The following PDE1A variants were observed in gnomAD, a reference collection of about 807,000 sequenced individuals.
The protein encoded by PDE1A is phosphodiesterase 1A.
In PDE1A, 35 loss-of-function variants were observed where a neutral mutation model predicts 61.7. That is an observed-to-expected ratio of 0.57 (90% CI 0.43 to 0.75). The LOEUF (loss-of-function observed/expected upper bound fraction) is 0.75. PDE1A is among the 30% of genes least tolerant of loss of function. The probability of loss-of-function intolerance (pLI) is 0.00; values close to 1 mark genes in which losing one functional copy is unlikely to be tolerated. For synonymous variants in PDE1A, 232 were observed against 213.2 expected (o/e 1.09, Z -0.77); for missense variants, 597 against 630.6 (o/e 0.95, Z 0.57).
chr2:182,371,377 G>C (rs80213948), intron 1 of PDE1A, among the ~76,000 whole-genome samples: 3 of 152,124 alleles, frequency 2.0e-5, no homozygotes, highest in African/African-American at 7.2e-5. Flanking sequence ...TTTATAAAAT[G>C]ACTATCAGGT....
chr2:182,140,304 T>G (rs745856305), exon 15 of PDE1A: 25 of 152,224 alleles, frequency 1.6e-4, no homozygotes, highest in Non-Finnish European at 3.5e-4. Flanking sequence ...CAGGAGCTTA[T>G]GAATAATAGG....
chr2:182,527,486 A>G (rs1311785289), upstream of PDE1A, among the ~76,000 whole-genome samples: 2 of 149,558 alleles, frequency 1.3e-5, no homozygotes, highest in Non-Finnish European at 3.0e-5. Flanking sequence ...TGAGCCCAGG[A>G]AGTTGAGGCT....
chr2:182,394,986 G>A (rs748987385), intron 1 of PDE1A, among the ~76,000 whole-genome samples: 8 of 152,216 alleles, frequency 5.3e-5, no homozygotes, highest in East Asian at 3.8e-4. Flanking sequence ...CTCCTGGTTC[G>A]TTGTGCAGAA....
the PDE1A span, among the ~76,000 whole-genome samples, chr2:182,564,719 T>G: frequency 6.6e-6 from 1 of 152,242 alleles, no homozygotes; most frequent in Non-Finnish European, 1.5e-5. Context: ...TCTTTTCACA[T>G]AGTCCCACAT....
chr2:182,144,846 C>A (rs1356962671), downstream of PDE1A, among the ~76,000 whole-genome samples: 1 of 152,182 alleles, frequency 6.6e-6, no homozygotes, highest in East Asian at 1.9e-4. Context: ...ACTTTAAGAA[C>A]CTTTCTTAAC....
At chr2:182,166,002 C>T (rs1052640080), downstream of PDE1A, among the ~76,000 whole-genome samples, 1 of 152,084 alleles carries the variant, frequency 6.6e-6, no homozygotes, top group Non-Finnish European at 1.5e-5. Flanking sequence ...GGGATTAGTA[C>T]ACGTTGGCTT....
At chr2:182,441,813 C>A (rs1684815518) in intron 2 of PDE1A, among the ~76,000 whole-genome samples, 1 of 152,056 alleles carries the variant, frequency 6.6e-6, no homozygotes, top group Admixed American at 6.6e-5. Flanking sequence ...TTGATCAAAT[C>A]TGGGACAATC....
At chr2:182,374,432 G>A (rs1429663464) in intron 1 of PDE1A, among the ~76,000 whole-genome samples, 1 of 151,948 alleles carries the variant, frequency 6.6e-6, no homozygotes, top group Admixed American at 6.6e-5. Flanking sequence ...AATTTCTTGA[G>A]ACACAAAAAT....
chr2:182,361,781 A>G (rs2125171918), intron 1 of PDE1A, among the ~76,000 whole-genome samples: 1 of 152,168 alleles, frequency 6.6e-6, no homozygotes, highest in Non-Finnish European at 1.5e-5. Context: ...ACTTTTTATC[A>G]TGAGGAAATC....
At chr2:182,588,820 G>C in the PDE1A span, among the ~76,000 whole-genome samples, 16 of 151,966 alleles carry the variant, frequency 1.1e-4, no homozygotes, top group African/African-American at 3.4e-4. Flanking sequence ...GAGGCAGGCG[G>C]ATCACCCAAG....
At chr2:182,307,282 G>A (rs1489667048) in intron 1 of PDE1A, among the ~76,000 whole-genome samples, 1 of 152,154 alleles carries the variant, frequency 6.6e-6, no homozygotes, top group Non-Finnish European at 1.5e-5. Context: ...CAGCATTAGA[G>A]GGTGGGACCT....
chr2:182,652,068 T>C, the PDE1A span, among the ~76,000 whole-genome samples: 3 of 152,200 alleles, frequency 2.0e-5, no homozygotes, highest in African/African-American at 7.2e-5. Flanking sequence ...GTATAGATCA[T>C]AAATAGCAAT....
intron 1 of PDE1A, among the ~76,000 whole-genome samples, chr2:182,317,758 T>G (rs1696437155): frequency 6.6e-6 from 1 of 152,074 alleles, no homozygotes; most frequent in African/African-American, 2.4e-5. Context: ...CAGTTCTTAA[T>G]TGATTCTTGA....
At chr2:182,258,404 G>A (rs1691984758) in intron 2 of PDE1A, among the ~76,000 whole-genome samples, 1 of 152,130 alleles carries the variant, frequency 6.6e-6, no homozygotes, top group South Asian at 2.1e-4. Flanking sequence ...GCAAAGGAAA[G>A]TGACAGCCAG....
chr2:182,239,691 T>C lies in PDE1A; in HGVS notation c.350+419A>G, dbSNP rs1478929798. ...AAGAAGGGAAGCAAATGGTCTTCTGTCTTTAGGGCAGAGGAAGGCCTAAGT... is the reference window on the plus strand; with the variant it reads ...AAGAAGGGAAGCAAATGGTCTTCTGCCTTTAGGGCAGAGGAAGGCCTAAGT... On this transcript the variant is annotated intron_variant, in intron 3 of 13. Coordinates refer to ENST00000351439, the Ensembl canonical transcript of PDE1A. Among the ~76,000 whole-genome samples the C allele has an allele frequency of 8.1e-5, 7 of 86,278 alleles. No individual in the cohort carries two copies. The East Asian group carries it at 1.4e-3, about 18-fold the overall frequency. 56.6% of individuals were successfully genotyped at this position (86,278 alleles called of 152,430 possible).
chr2:182,305,200 A>G (rs1241703148), intron 1 of PDE1A, among the ~76,000 whole-genome samples: 1 of 152,210 alleles, frequency 6.6e-6, no homozygotes, highest in Non-Finnish European at 1.5e-5. Context: ...TAAACAAACT[A>G]AATTCAAATC....
At chr2:182,440,421 A>G (rs1684712965) in intron 2 of PDE1A, among the ~76,000 whole-genome samples, 1 of 152,068 alleles carries the variant, frequency 6.6e-6, no homozygotes, top group East Asian at 1.9e-4. Context: ...GACCAATGGG[A>G]TGCTACTTAG....
the PDE1A span, among the ~76,000 whole-genome samples, chr2:182,715,720 T>A: frequency 2.0e-5 from 3 of 152,206 alleles, no homozygotes; most frequent in Non-Finnish European, 4.4e-5. Flanking sequence ...AAGTCTCAAA[T>A]GCTTGTTGAT....
intron 1 of PDE1A, among the ~76,000 whole-genome samples, chr2:182,341,758 C>A (rs1247599641): frequency 6.6e-6 from 1 of 152,082 alleles, no homozygotes; most frequent in African/African-American, 2.4e-5. Context: ...GGTAAAATTT[C>A]TTTATCCTCT....
Sources: gnomAD v4.1 joint callset for allele counts (sites outside exome capture counted in the v4.1 genomes callset) on GRCh38, gnomAD v4.1.1 for gene constraint, MANE v1.5 for transcripts, NCBI Gene and HGNC (gene_info 2026-07-23, HGNC 2026-07-21) for gene names.